The following TXK variants were observed in gnomAD, a reference collection of about 807,000 sequenced individuals.
The protein encoded by TXK is tyrosine-protein kinase TXK.
In TXK, 60 loss-of-function variants were observed where a neutral mutation model predicts 81.0. The observed-to-expected ratio is 0.74, with a 90% CI of 0.60 to 0.92. TXK has a LOEUF of 0.92. Ranked by LOEUF, TXK falls within the 40% of genes least tolerant of loss-of-function variation. The pLI, the probability that TXK is intolerant of heterozygous loss-of-function variation, is 0.00. For missense variants in TXK, 581 were observed against 638.3 expected, an observed-to-expected ratio of 0.91 and a Z score of 0.97; for synonymous variants, 203 against 210.7, an observed-to-expected ratio of 0.96 and a Z score of 0.32.
At chr4:48,090,444 A>AATTTT (rs1351591571) in intron 8 of TXK, among the ~76,000 whole-genome samples, 1 of 152,200 alleles carries the variant, frequency 6.6e-6, no homozygotes, top group Non-Finnish European at 1.5e-5. Flanking sequence ...TTTTAATAGC[A>AATTTT]TGGTAGAGTA....
At chr4:48,089,855 C>A (rs762783746) in intron 8 of TXK, 31 bp from the exon 9 acceptor site, 1 of 1,491,742 alleles carries the variant, frequency 6.7e-7, no homozygotes, top group South Asian at 1.1e-5. Flanking sequence ...ATATTTCAAG[C>A]CTAGTTGCTA....
rs1162524413 is a variant in TXK, at chr4:48,114,395, G to A, written c.24C>T (p.Thr8=). 1 of 1,614,100 alleles carries A rather than the reference G, an allele frequency of 6.2e-7. No individual in the cohort carries two copies. Among genetic ancestry groups the A allele is most frequent in the Non-Finnish European group, 8.5e-7 (1 of 1,179,988 alleles). The change falls in exon 2 of 15, where the codon ACC becomes ACT. Residue 8 remains threonine, a synonymous_variant. Coordinates refer to ENST00000264316, the MANE Select transcript of TXK (RefSeq NM_003328.3). The part of the protein sequence containing the change: MILSSYN[T]IQSVFCCCCC... The stretch of plus-strand genomic sequence containing the variant: ...AGCAGCAACAGAAAACCGACTGGAT[G>A]GTGTTATCTGAAAAGCAGATCATTT...
chr4:48,084,923 C>CG (rs1234656236), intron 10 of TXK, among the ~76,000 whole-genome samples: 463 of 150,148 alleles, frequency 3.1e-3, no homozygotes, highest in Middle Eastern at 6.9e-3. Context: ...TCCAGTTAAT[C>CG]ACCTCTGATT....
At chr4:48,103,747 A>G (rs538935847) in intron 6 of TXK, among the ~76,000 whole-genome samples, 5 of 152,286 alleles carry the variant, frequency 3.3e-5, no homozygotes, top group Non-Finnish European at 7.4e-5. Context: ...TCAGTTTCAT[A>G]TTTTGGCTAT....
At chr4:48,071,441 G>A (rs1716849743) in intron 14 of TXK, 76 bp downstream of exon 14, 3 of 1,429,136 alleles carry the variant, frequency 2.1e-6, no homozygotes, top group Non-Finnish European at 2.9e-6. Context: ...GAGTTCTGAA[G>A]TAATGTTTGT....
chr4:48,070,591 T>C (rs1018780609), intron 14 of TXK, among the ~76,000 whole-genome samples: 1 of 152,086 alleles, frequency 6.6e-6, no homozygotes, highest in Non-Finnish European at 1.5e-5. Flanking sequence ...TATTTATTTA[T>C]TTTTTGAGAC....
chr4:48,074,975 T>C (rs1316980854), intron 12 of TXK, among the ~76,000 whole-genome samples: 1 of 151,982 alleles, frequency 6.6e-6, no homozygotes, highest in Non-Finnish European at 1.5e-5. Context: ...TCTTGGAAAA[T>C]GGGCCATGAA....
intron 10 of TXK, among the ~76,000 whole-genome samples, chr4:48,083,419 C>T (rs1037639635): frequency 6.6e-6 from 1 of 152,236 alleles, no homozygotes; most frequent in Non-Finnish European, 1.5e-5. Context: ...TTATGTCTTC[C>T]TAAAATGTGT....
intron 10 of TXK, among the ~76,000 whole-genome samples, chr4:48,081,378 G>T (rs780662782): frequency 6.6e-6 from 1 of 151,984 alleles, no homozygotes; most frequent in Admixed American, 6.6e-5. Flanking sequence ...ACAAACTCTC[G>T]CATGTGATTC....
At chr4:48,111,441 T>C (rs1450073187) in intron 4 of TXK, among the ~76,000 whole-genome samples, 1 of 152,196 alleles carries the variant, frequency 6.6e-6, no homozygotes, top group African/African-American at 2.4e-5. Context: ...GACATTAATG[T>C]TTGCATATTA....
rs761132700 is a variant in TXK at position 48,080,030 on chromosome 4, A to G, written c.1055T>C (p.Leu352Pro). The change falls in exon 11 of 15, where the codon CTT becomes CCT. Residue 352 changes from leucine to proline, a missense_variant. By Grantham distance (98) the Leu-to-Pro change is moderately conservative (BLOSUM62 -3). Coordinates refer to ENST00000264316, the MANE Select transcript of TXK (RefSeq NM_003328.3). ...VTEFMENGCL[L>P]NYLRENKGKL... ...TCCTTTATTCTCCCTGAGATAGTTA[A>G]GCAGGCAGCCATTTTCCATGAACTC... 5.6e-6 allele frequency: 9 copies of G among 1,613,998 alleles called. No homozygotes were observed. Among genetic ancestry groups the G allele is most frequent in the African/African-American group, 4.0e-5 (3 of 74,916 alleles).
chr4:48,128,488 GT>G (rs1270184301), intron 1 of TXK, among the ~76,000 whole-genome samples: 76 of 137,156 alleles, frequency 5.5e-4, no homozygotes, highest in African/African-American at 2.0e-3. Flanking sequence ...TATCCTTTTT[GT>G]TTTTTTTTCC....
chr4:48,133,264 A>G (rs1719293327), intron 1 of TXK, among the ~76,000 whole-genome samples: 13 of 151,968 alleles, frequency 8.6e-5, no homozygotes, highest in Non-Finnish European at 1.5e-5. Flanking sequence ...ATTTATAAGC[A>G]TCCCCCACAG....
In TXK at chr4:48,134,058, C is replaced by A; in HGVS notation, c.16+97G>T. On this transcript the variant is annotated intron_variant, in intron 1 of 14. Transcript: ENST00000264316. The stretch of plus-strand genomic sequence containing the variant: ...GAAATTATCTTTTAATGTCCCCAAG[C>A]TCTATGCCTTGGAAAAAAAAAACTT... 3 of 1,371,648 alleles carry A rather than the reference C, an allele frequency of 2.2e-6. 1 individual carries two copies. The South Asian group carries it at 3.8e-5, about 18-fold the overall frequency. 85.0% of individuals were successfully genotyped at this position (1,371,648 alleles called of 1,614,324 possible). A position where few individuals can be genotyped will look rare whatever the true frequency, so the allele number is the denominator to read the frequency against.
intron 5 of TXK, among the ~76,000 whole-genome samples, chr4:48,109,830 A>C (rs1282177201): frequency 6.6e-6 from 1 of 152,210 alleles, no homozygotes; most frequent in African/African-American, 2.4e-5. Context: ...ACTTGTCTTA[A>C]TGCCTCAATG....
chr4:48,119,976 C>T (rs1217896943), intron 1 of TXK, among the ~76,000 whole-genome samples: 1 of 151,908 alleles, frequency 6.6e-6, no homozygotes, highest in Admixed American at 6.6e-5. Context: ...AAATGTTGTG[C>T]CCAAGCCCAC....
chr4:48,126,653 A>G (rs1050287641), intron 1 of TXK, among the ~76,000 whole-genome samples: 1 of 142,406 alleles, frequency 7.0e-6, no homozygotes, highest in Non-Finnish European at 1.6e-5. Context: ...GGCACACTCC[A>G]CCATACCCGG....
rs1206387967 is a variant in TXK at position 48,079,871 on chromosome 4, G to T, written c.1173+41C>A. The T allele has an allele frequency of 4.5e-6, 6 of 1,330,508 alleles. No homozygotes were observed. The East Asian group carries it at 1.2e-4, about 26-fold the overall frequency. The allele number at this position is 1,330,508 out of a possible 1,614,324, so 82.4% of individuals were successfully genotyped here. The stretch of plus-strand genomic sequence containing the variant: ...AATTGTCACATCCTTCTGAATATAG[G>T]TATGATACAAAAAAAAAAAGTAAAT... On this transcript the variant is annotated intron_variant, in intron 11 of 14. Coordinates refer to ENST00000264316, the MANE Select transcript of TXK (RefSeq NM_003328.3).
At chr4:48,133,793 C>T (rs553547553) in intron 1 of TXK, among the ~76,000 whole-genome samples, 1 of 152,286 alleles carries the variant, frequency 6.6e-6, no homozygotes, top group South Asian at 2.1e-4. Flanking sequence ...TGATCCACCA[C>T]TGCTGGAGCA....
Sources: gnomAD v4.1 joint callset for allele counts (sites outside exome capture counted in the v4.1 genomes callset) on GRCh38, gnomAD v4.1.1 for gene constraint, MANE v1.5 for transcripts, NCBI Gene and HGNC (gene_info 2026-07-23, HGNC 2026-07-21) for gene names.